The following RBFOX3 variants were observed in gnomAD, a reference collection of about 807,000 sequenced individuals.
The protein encoded by RBFOX3 is RNA binding protein fox-1 homolog 3.
A neutral mutation model predicts 48.7 loss-of-function variants in RBFOX3; 17 were observed. That is an observed-to-expected ratio of 0.35 (90% CI 0.24 to 0.52). The LOEUF is 0.52. Among genes scored for constraint, RBFOX3 ranks in the 20% least tolerant of loss-of-function variants. The pLI is 0.94. For missense variants in RBFOX3, 382 were observed against 497.5 expected, an observed-to-expected ratio of 0.77 and a Z score of 2.21; for synonymous variants, 212 against 209.5, an observed-to-expected ratio of 1.01 and a Z score of -0.10.
intron 1 of RBFOX3, among the ~76,000 whole-genome samples, chr17:79,530,093 G>A (rs1160904917): frequency 2.6e-5 from 4 of 152,242 alleles, no homozygotes; most frequent in Non-Finnish European, 4.4e-5. Context: ...AGCCTGGATG[G>A]AAGGGGCTTT....
intron 2 of RBFOX3, among the ~76,000 whole-genome samples, chr17:79,330,713 G>A (rs755176511): frequency 1.2e-4 from 18 of 152,112 alleles, no homozygotes; most frequent in Non-Finnish European, 1.5e-4. Flanking sequence ...ATGAAGTCAC[G>A]TGGTGGGGCT....
At chr17:79,222,087 T>G (rs1038954711) in intron 4 of RBFOX3, among the ~76,000 whole-genome samples, 1 of 152,170 alleles carries the variant, frequency 6.6e-6, no homozygotes, top group Non-Finnish European at 1.5e-5. Flanking sequence ...CGTTGCCTGA[T>G]TTCTACCCAT....
At chr17:79,661,309 TAAAA>T in the RBFOX3 span, among the ~76,000 whole-genome samples, 1 of 149,050 alleles carries the variant, frequency 6.7e-6, no homozygotes, top group African/African-American at 2.5e-5. Context: ...TAAAAAAGGT[TAAAA>T]AAAAAAGATT....
At chr17:79,431,013 C>A (rs2068339349) in intron 2 of RBFOX3, among the ~76,000 whole-genome samples, 1 of 152,194 alleles carries the variant, frequency 6.6e-6, no homozygotes, top group South Asian at 2.1e-4. Flanking sequence ...ATTCATTGAT[C>A]TCTGTGGCCA....
At chr17:79,534,665 G>A (rs2088394152) in intron 1 of RBFOX3, among the ~76,000 whole-genome samples, 1 of 152,200 alleles carries the variant, frequency 6.6e-6, no homozygotes, top group Non-Finnish European at 1.5e-5. Flanking sequence ...AATGATGAAT[G>A]GCCATTGCCG....
At chr17:79,556,984 C>T (rs1045541805) in intron 1 of RBFOX3, among the ~76,000 whole-genome samples, 1 of 152,052 alleles carries the variant, frequency 6.6e-6, no homozygotes, top group Non-Finnish European at 1.5e-5. Context: ...TGGCTCATGC[C>T]TATAATTCCA....
intron 2 of RBFOX3, among the ~76,000 whole-genome samples, chr17:79,378,237 G>T (rs1446485635): frequency 6.6e-6 from 1 of 151,964 alleles, no homozygotes; most frequent in African/African-American, 2.4e-5. Flanking sequence ...TGGACACAAA[G>T]AACTGAGCCT....
At chr17:79,371,929 C>T (rs1219072460) in intron 2 of RBFOX3, among the ~76,000 whole-genome samples, 1 of 152,106 alleles carries the variant, frequency 6.6e-6, no homozygotes, top group African/African-American at 2.4e-5. Flanking sequence ...ATCAGAGGAT[C>T]GAGGCTCCTA....
At chr17:79,532,321 T>G (rs1396303383) in intron 1 of RBFOX3, among the ~76,000 whole-genome samples, 1 of 152,154 alleles carries the variant, frequency 6.6e-6, no homozygotes, top group Non-Finnish European at 1.5e-5. Flanking sequence ...GGACTCCATG[T>G]GGAGCCTAGG....
chr17:79,274,266 C>T (rs370228474), intron 3 of RBFOX3, among the ~76,000 whole-genome samples: 1 of 152,270 alleles, frequency 6.6e-6, no homozygotes, highest in South Asian at 2.1e-4. Flanking sequence ...CGGAGAGTTT[C>T]CTGCCCCTGT....
chr17:79,630,021 C>A, the RBFOX3 span, among the ~76,000 whole-genome samples: 2 of 152,074 alleles, frequency 1.3e-5, no homozygotes, highest in African/African-American at 4.8e-5. Context: ...TGATTATATT[C>A]TAAATTTTCT....
chr17:79,506,400 G>A (rs1555778729), intron 1 of RBFOX3, among the ~76,000 whole-genome samples: 2 of 152,210 alleles, frequency 1.3e-5, no homozygotes, highest in South Asian at 2.1e-4. Context: ...GAAATTCAAG[G>A]CGATGCCGAG....
chr17:79,319,515 C>T (rs1408419978), intron 2 of RBFOX3, among the ~76,000 whole-genome samples: 1 of 150,556 alleles, frequency 6.6e-6, no homozygotes, highest in Non-Finnish European at 1.5e-5. Flanking sequence ...CTTGTCTGGG[C>T]TGCTGGTCTT....
At chr17:79,522,758 T>C (rs2086278269) in intron 1 of RBFOX3, among the ~76,000 whole-genome samples, 1 of 151,938 alleles carries the variant, frequency 6.6e-6, no homozygotes, top group Non-Finnish European at 1.5e-5. Flanking sequence ...GGTAAAACCC[T>C]GTATCTACTA....
At position 79,112,917 on chromosome 17, in the gene RBFOX3, G is replaced by A. The variant is rs1200552240; in HGVS notation, c.222+2577C>T. Among the ~76,000 whole-genome samples the A allele has an allele frequency of 3.7e-5, 4 of 109,566 alleles. 1 individual carries two copies. The highest frequency in any genetic ancestry group is 6.4e-4 in the South Asian group (2 of 3,140). The allele number at this position is 109,566 out of a possible 152,430, so 71.9% of individuals were successfully genotyped here. A position where few individuals can be genotyped will look rare whatever the true frequency, so the allele number is the denominator to read the frequency against. On this transcript the variant is annotated intron_variant, in intron 5 of 14. Transcript: ENST00000693108. ...GCAGCAGGCTCTCGGGGGGGGGGTG[G>A]GCTGGGTAGGACTTCAGGGATGGTG...
chr17:79,612,732 T>G (rs1448160672), upstream of RBFOX3, among the ~76,000 whole-genome samples: 1 of 152,226 alleles, frequency 6.6e-6, no homozygotes, highest in African/African-American at 2.4e-5. Flanking sequence ...AATGGCGCAT[T>G]CCAGCTCTAA....
chr17:79,213,736 T>G (rs999222139), intron 4 of RBFOX3, among the ~76,000 whole-genome samples: 4 of 152,220 alleles, frequency 2.6e-5, no homozygotes, highest in African/African-American at 9.6e-5. Context: ...GACCAGCTGA[T>G]AGCTAAAATC....
intron 2 of RBFOX3, among the ~76,000 whole-genome samples, chr17:79,453,166 T>C (rs1691804461): frequency 6.6e-6 from 1 of 152,224 alleles, no homozygotes; most frequent in African/African-American, 2.4e-5. Flanking sequence ...AATAGCCGTG[T>C]CATTCTACAC....
At chr17:79,567,743 G>A (rs1283212969) in intron 1 of RBFOX3, among the ~76,000 whole-genome samples, 3 of 152,204 alleles carry the variant, frequency 2.0e-5, no homozygotes, top group Admixed American at 1.3e-4. Context: ...GAGATGCTAC[G>A]TGCCAAGTTC....
Sources: allele counts gnomAD v4.1 joint callset (sites outside exome capture counted in the v4.1 genomes callset), GRCh38; gene constraint gnomAD v4.1.1; transcripts MANE v1.5; gene names NCBI Gene and HGNC (gene_info 2026-07-23, HGNC 2026-07-21).